PALM2AKAP2: variants seen among roughly 807,000 people sequenced by gnomAD.
PALM2AKAP2 encodes PALM2-AKAP2 fusion protein.
Under a neutral mutation model 71.5 loss-of-function variants are expected in PALM2AKAP2, and 37 were observed. The observed-to-expected ratio is 0.52, with a 90% CI of 0.40 to 0.68. The LOEUF (loss-of-function observed/expected upper bound fraction) is 0.68, where lower values mean the gene tolerates loss of function less well. Among genes scored for constraint, PALM2AKAP2 ranks in the 30% least tolerant of loss-of-function variants. PALM2AKAP2 has a pLI of 0.00. For missense variants in PALM2AKAP2, 1,224 were observed against 1,191.8 expected (o/e 1.03, Z -0.40); for synonymous variants, 468 against 478.8 (o/e 0.98, Z 0.29).
intron 6 of PALM2AKAP2, among the ~76,000 whole-genome samples, chr9:109,996,286 T>C (rs1473390965): frequency 6.6e-6 from 1 of 152,254 alleles, no homozygotes; most frequent in African/African-American, 2.4e-5. Context: ...GGATCTTTTA[T>C]TGGACCTGGA....
chr9:110,055,575 C>G (rs1833820187), intron 1 of PALM2AKAP2, among the ~76,000 whole-genome samples: 1 of 152,190 alleles, frequency 6.6e-6, no homozygotes, highest in African/African-American at 2.4e-5. Context: ...AATCACCTCC[C>G]AGAGGACCCA....
intron 1 of PALM2AKAP2, among the ~76,000 whole-genome samples, chr9:109,764,499 T>C (rs1404654431): frequency 6.6e-6 from 1 of 152,208 alleles, no homozygotes; most frequent in Non-Finnish European, 1.5e-5. Flanking sequence ...CTGAGATGCC[T>C]TCCTGGACCC....
chr9:109,998,265 A>G (rs117359007), intron 6 of PALM2AKAP2, among the ~76,000 whole-genome samples: 1 of 152,190 alleles, frequency 6.6e-6, no homozygotes, highest in Non-Finnish European at 1.5e-5. Context: ...CTTAGTGGCT[A>G]CTGACTGTGA....
At chr9:109,719,167 C>CA (rs1325582004) in intron 1 of PALM2AKAP2, among the ~76,000 whole-genome samples, 13 of 152,148 alleles carry the variant, frequency 8.5e-5, no homozygotes, top group Admixed American at 6.5e-5. Context: ...AACAATAAAA[C>CA]TCTGTTAGTT....
chr9:110,151,690 C>A (rs184727215), intron 2 of PALM2AKAP2, among the ~76,000 whole-genome samples: 2 of 152,190 alleles, frequency 1.3e-5, no homozygotes, highest in African/African-American at 4.8e-5. Flanking sequence ...TAAAATTACT[C>A]CAGATGGAAT....
intron 6 of PALM2AKAP2, among the ~76,000 whole-genome samples, chr9:109,986,821 CAT>C (rs1350219401): frequency 2.0e-5 from 3 of 152,166 alleles, no homozygotes; most frequent in African/African-American, 7.2e-5. Flanking sequence ...AGCTCTAAAT[CAT>C]AGGCTTGGAA....
chr9:109,709,052 G>T (rs1446958549), intron 1 of PALM2AKAP2, among the ~76,000 whole-genome samples: 1 of 152,146 alleles, frequency 6.6e-6, no homozygotes, highest in South Asian at 2.1e-4. Context: ...GCCTGTCAAG[G>T]GGCTGAGCAG....
At chr9:109,993,344 TA>T (rs1247858855) in intron 6 of PALM2AKAP2, among the ~76,000 whole-genome samples, 1 of 152,164 alleles carries the variant, frequency 6.6e-6, no homozygotes, top group Non-Finnish European at 1.5e-5. Context: ...TCCCAGGTGT[TA>T]TTTAGCAATT....
chr9:109,758,453 A>C (rs1359462851), intron 1 of PALM2AKAP2, among the ~76,000 whole-genome samples: 4 of 151,956 alleles, frequency 2.6e-5, no homozygotes, highest in Non-Finnish European at 5.9e-5. Flanking sequence ...TTATTAGCTG[A>C]TTTTCTTATA....
intron 7 of PALM2AKAP2, among the ~76,000 whole-genome samples, chr9:110,036,747 C>G (rs1833418110): frequency 6.6e-6 from 1 of 152,162 alleles, no homozygotes; most frequent in Non-Finnish European, 1.5e-5. Context: ...CCAGTCTTCT[C>G]TCACCCCTCC....
At position 110,141,403 on chromosome 9, in the gene PALM2AKAP2, C is replaced by T. The variant is rs182293378; in HGVS notation, c.2569+2864C>T. ...ATAATGATATGCATACATGTCATTC[C>T]TTCATGTTTATCTCTAGAACATTTA... On this transcript the variant is annotated intron_variant, in intron 2 of 3. Transcript: ENST00000374525. 7.2e-5 allele frequency among the ~76,000 whole-genome samples: 11 copies of T among 152,182 alleles called. No individual in the cohort carries two copies. The East Asian group carries it at 2.1e-3, about 29-fold the overall frequency.
At chr9:110,032,740 A>T (rs529399793) in intron 7 of PALM2AKAP2, among the ~76,000 whole-genome samples, 6 of 140,302 alleles carry the variant, frequency 4.3e-5, no homozygotes, top group African/African-American at 1.3e-4. Context: ...ATAAATAAAT[A>T]AAATAAAAAA....
chr9:109,955,010 A>G (rs1337310689), intron 6 of PALM2AKAP2, among the ~76,000 whole-genome samples: 4 of 152,002 alleles, frequency 2.6e-5, no homozygotes, highest in Non-Finnish European at 5.9e-5. Flanking sequence ...ACCATCTCCT[A>G]TTATTTTTAC....
intron 6 of PALM2AKAP2, among the ~76,000 whole-genome samples, chr9:109,985,079 G>A (rs1832347945): frequency 6.6e-6 from 1 of 152,098 alleles, no homozygotes; most frequent in South Asian, 2.1e-4. Context: ...GGGAGGCTGA[G>A]GCAGGAGAAT....
At chr9:110,047,946 G>A (rs778843093), upstream of PALM2AKAP2, among the ~76,000 whole-genome samples, 4 of 152,228 alleles carry the variant, frequency 2.6e-5, no homozygotes, top group Non-Finnish European at 5.9e-5. Context: ...GCCCCAGTCT[G>A]CGGATCAGCT....
At chr9:109,943,374 A>G in intron 6 of PALM2AKAP2, 1 of 1,613,830 alleles carries the variant, frequency 6.2e-7, no homozygotes, top group South Asian at 1.1e-5. Context: ...CTACAGAGCC[A>G]GCCCCAGGTA....
chr9:110,093,146 G>A (rs495004), intron 1 of PALM2AKAP2, among the ~76,000 whole-genome samples: 6 of 152,246 alleles, frequency 3.9e-5, no homozygotes, highest in Admixed American at 1.3e-4. Flanking sequence ...AGGCCATGTA[G>A]CCAGTTGTTG....
chr9:109,674,127 A>G (rs1827614756), intron 1 of PALM2AKAP2, among the ~76,000 whole-genome samples: 1 of 151,806 alleles, frequency 6.6e-6, no homozygotes. Context: ...TCATTCAATG[A>G]ATTTTTGGTT....
At chr9:110,017,055 A>G (rs1005147346) in intron 7 of PALM2AKAP2, among the ~76,000 whole-genome samples, 1 of 151,870 alleles carries the variant, frequency 6.6e-6, no homozygotes, top group Non-Finnish European at 1.5e-5. Context: ...AATTTTTTGT[A>G]TTTTTAGTAG....
Sources: allele counts gnomAD v4.1 joint callset (sites outside exome capture counted in the v4.1 genomes callset), GRCh38; gene constraint gnomAD v4.1.1; transcripts MANE v1.5; gene names NCBI Gene and HGNC (gene_info 2026-07-23, HGNC 2026-07-21).